Variants in DENND5B observed in about 807,000 individuals in gnomAD.
DENND5B encodes DENN domain-containing protein 5B.
A neutral mutation model predicts 140.6 loss-of-function variants in DENND5B; 34 were observed. The ratio of observed to expected loss-of-function variants is 0.24; its 90% CI spans 0.18 to 0.32. The LOEUF (loss-of-function observed/expected upper bound fraction) is 0.32, where lower values mean the gene tolerates loss of function less well. Among genes scored for constraint, DENND5B ranks in the 10% least tolerant of loss-of-function variants. DENND5B has a pLI of 1.00. For missense variants in DENND5B, 1,142 were observed against 1,560.2 expected (o/e 0.73, Z 4.52); for synonymous variants, 551 against 562.1 (o/e 0.98, Z 0.28).
At chr12:31,498,406 G>C (rs1180984937) in intron 1 of DENND5B, among the ~76,000 whole-genome samples, 1 of 152,094 alleles carries the variant, frequency 6.6e-6, no homozygotes, top group Non-Finnish European at 1.5e-5. Context: ...TGTTAACTAA[G>C]GAACATTGCA....
At chr12:31,390,952 G>T (rs1941109253) in intron 19 of DENND5B, among the ~76,000 whole-genome samples, 2 of 152,106 alleles carry the variant, frequency 1.3e-5, no homozygotes, top group South Asian at 2.1e-4. Context: ...GGAGGCAGAG[G>T]TTGCAGTGAG....
Position 31,497,737 on chromosome 12 carries a change from C to A in DENND5B, c.128-1818G>T, listed in dbSNP as rs569135463. Among the ~76,000 whole-genome samples, 113 of 130,712 alleles carry A rather than the reference C, an allele frequency of 8.6e-4. 1 individual carries two copies. Among genetic ancestry groups the A allele is most frequent in the African/African-American group, 3.2e-3 (111 of 34,466 alleles). 85.8% of individuals were successfully genotyped at this position (130,712 alleles called of 152,430 possible). ...ACTTGAGACCAGCAACATAGTGAAA[C>A]CTCATCTCGAAAGAAAGGAAAGTAA... On this transcript the variant is annotated intron_variant, in intron 1 of 20. Transcript: ENST00000389082.
intron 17 of DENND5B, among the ~76,000 whole-genome samples, chr12:31,393,744 G>A (rs1038575389): frequency 6.6e-6 from 1 of 152,250 alleles, no homozygotes; most frequent in East Asian, 1.9e-4. Context: ...CTGGAGTGCA[G>A]TGGTGCAATG....
intron 1 of DENND5B, among the ~76,000 whole-genome samples, chr12:31,577,327 G>GA (rs1393837321): frequency 6.6e-6 from 1 of 152,246 alleles, no homozygotes; most frequent in South Asian, 2.1e-4. Context: ...GCATGGACAG[G>GA]AAAAAATTAA....
chr12:31,538,626 G>T (rs1228834226), intron 1 of DENND5B, among the ~76,000 whole-genome samples: 2 of 152,190 alleles, frequency 1.3e-5, no homozygotes, highest in Admixed American at 6.5e-5. Flanking sequence ...CAGTACTTTG[G>T]GAGGCTGAGA....
chr12:31,527,395 G>A (rs1213289177), intron 1 of DENND5B, among the ~76,000 whole-genome samples: 1 of 152,108 alleles, frequency 6.6e-6, no homozygotes, highest in African/African-American at 2.4e-5. Flanking sequence ...AGAGGTTACG[G>A]GCGGCCAGAT....
intron 1 of DENND5B, among the ~76,000 whole-genome samples, chr12:31,527,732 C>G (rs943691398): frequency 6.6e-6 from 1 of 151,962 alleles, no homozygotes; most frequent in Non-Finnish European, 1.5e-5. Context: ...GAGCTGAGAT[C>G]ATGCCACTAC....
At chr12:31,559,119 T>C (rs1168277147) in intron 1 of DENND5B, among the ~76,000 whole-genome samples, 1 of 152,194 alleles carries the variant, frequency 6.6e-6, no homozygotes, top group Non-Finnish European at 1.5e-5. Context: ...ACCATCCTCG[T>C]ACTGATAGAA....
In DENND5B at chr12:31,590,841, C is replaced by T. The variant is rs1328433894; in HGVS notation, c.-9G>A. The T allele has an allele frequency of 8.1e-7, 1 of 1,231,052 alleles. No homozygotes were observed. Among genetic ancestry groups the T allele is most frequent in the Non-Finnish European group, 1.0e-6 (1 of 990,490 alleles). 76.3% of individuals were successfully genotyped at this position (1,231,052 alleles called of 1,614,324 possible). ...GCGCAGCTCCCGCTCATCCCGGCCG[C>T]GCTGCTCCAGGGGCCGCCGCCGCCG... On this transcript the variant is annotated 5_prime_UTR_variant, in exon 1 of 21. Coordinates refer to ENST00000389082, the MANE Select transcript of DENND5B (RefSeq NM_144973.4).
chr12:31,448,828 A>G (rs1047939846), intron 5 of DENND5B, among the ~76,000 whole-genome samples: 3 of 151,608 alleles, frequency 2.0e-5, no homozygotes, highest in African/African-American at 7.3e-5. Context: ...CTAAAGAAAC[A>G]TAGTGAAACC....
chr12:31,478,081 A>C (rs73084406), intron 3 of DENND5B: 1,711 of 152,666 alleles, frequency 0.011, 10 homozygotes, highest in Middle Eastern at 0.041. Flanking sequence ...ATATATACAT[A>C]TAAAAAGAAA....
At chr12:31,482,842 T>C (rs1946122465) in intron 2 of DENND5B, among the ~76,000 whole-genome samples, 1 of 152,150 alleles carries the variant, frequency 6.6e-6, no homozygotes, top group Non-Finnish European at 1.5e-5. Flanking sequence ...AAGCAATCCT[T>C]AAAAAATATG....
chr12:31,416,394 G>C (rs1200815556), intron 11 of DENND5B, among the ~76,000 whole-genome samples: 14 of 151,960 alleles, frequency 9.2e-5, no homozygotes, highest in Non-Finnish European at 1.6e-4. Context: ...CTCCCGAGTA[G>C]CTGGGACTAC....
chr12:31,413,245 G>C (rs1196803234), intron 13 of DENND5B, among the ~76,000 whole-genome samples, 191 bp downstream of exon 13: 1 of 152,144 alleles, frequency 6.6e-6, no homozygotes, highest in Non-Finnish European at 1.5e-5. Flanking sequence ...GTTAAATTTG[G>C]TGTGTCCCCC....
At chr12:31,586,588 C>T (rs1950399265) in intron 1 of DENND5B, among the ~76,000 whole-genome samples, 1 of 152,150 alleles carries the variant, frequency 6.6e-6, no homozygotes, top group South Asian at 2.1e-4. Flanking sequence ...GCTGTTTAAG[C>T]TTGGTTTTAC....
chr12:31,415,269 A>G, intron 12 of DENND5B, 98 bp downstream of exon 12: 1 of 944,630 alleles, frequency 1.1e-6, no homozygotes, highest in East Asian at 2.7e-5. Context: ...ATAAGCCAAA[A>G]ATAAACACAG....
intron 1 of DENND5B, among the ~76,000 whole-genome samples, chr12:31,578,835 T>G (rs1027473335): frequency 6.6e-6 from 1 of 152,208 alleles, no homozygotes. Context: ...GAATCCAAGC[T>G]ATGGCCTTTC....
chr12:31,541,919 CA>C (rs1392126104), intron 1 of DENND5B, among the ~76,000 whole-genome samples: 1 of 152,110 alleles, frequency 6.6e-6, no homozygotes, highest in Non-Finnish European at 1.5e-5. Context: ...AACTGGAAGT[CA>C]TTATGTTAAG....
intron 2 of DENND5B, among the ~76,000 whole-genome samples, chr12:31,494,175 T>C (rs1946655765): frequency 6.2e-5 from 4 of 64,382 alleles, no homozygotes; most frequent in East Asian, 6.2e-4. Flanking sequence ...TATCTATCTA[T>C]CTATCTATCC....
Sources: gnomAD v4.1 joint callset for allele counts (sites outside exome capture counted in the v4.1 genomes callset) on GRCh38, gnomAD v4.1.1 for gene constraint, MANE v1.5 for transcripts, NCBI Gene and HGNC (gene_info 2026-07-23, HGNC 2026-07-21) for gene names.